The following TP63 variants were observed in gnomAD, a reference collection of about 807,000 sequenced individuals.
TP63 encodes tumor protein p63.
Under a neutral mutation model 82.8 loss-of-function variants are expected in TP63, and 17 were observed. The observed-to-expected ratio is 0.21, with a 90% CI of 0.14 to 0.31. The LOEUF is 0.31. Among genes scored for constraint, TP63 ranks in the 10% least tolerant of loss-of-function variants. The probability of loss-of-function intolerance (pLI) is 1.00; values close to 1 mark genes in which losing one functional copy is unlikely to be tolerated. For missense variants in TP63, 648 were observed against 895.3 expected (o/e 0.72, Z 3.52); for synonymous variants, 330 against 321.7 (o/e 1.03, Z -0.28).
At chr3:189,749,264 G>A (rs1457966761) in intron 3 of TP63, among the ~76,000 whole-genome samples, 1 of 152,090 alleles carries the variant, frequency 6.6e-6, no homozygotes, top group Non-Finnish European at 1.5e-5. Flanking sequence ...CTGTTGAATG[G>A]AAGAAAATAT....
intron 3 of TP63, among the ~76,000 whole-genome samples, chr3:189,804,945 T>C (rs1470080718): frequency 1.3e-5 from 2 of 152,240 alleles, no homozygotes; most frequent in African/African-American, 2.4e-5. Context: ...CTAAGAAATA[T>C]ACCTTTATGT....
rs185271781 is a variant in TP63, at chr3:189,839,897, G to A, written c.580-24335G>A. On this transcript the variant is annotated intron_variant, in intron 4 of 13. Transcript: ENST00000264731. ...CCCTGTACAGGGGAGGAGCAAGGGT[G>A]CTGCAGTGAGGGGATCTGGAGTTGA... Among the ~76,000 whole-genome samples, 558 of 152,300 alleles carry A rather than the reference G, an allele frequency of 3.7e-3. 10 individuals carry two copies. Among genetic ancestry groups the A allele is most frequent in the Admixed American group, 0.033 (502 of 15,298 alleles).
At chr3:189,763,476 G>A (rs967828788) in intron 3 of TP63, among the ~76,000 whole-genome samples, 4 of 152,152 alleles carry the variant, frequency 2.6e-5, no homozygotes, top group Non-Finnish European at 5.9e-5. Flanking sequence ...AGCAAATTCT[G>A]CCCCTAAGGA....
chr3:189,765,522 G>A (rs1232837576), intron 3 of TP63, among the ~76,000 whole-genome samples: 8 of 138,188 alleles, frequency 5.8e-5, no homozygotes, highest in African/African-American at 1.4e-4. Context: ...TGCAAGCTCC[G>A]CCTCCCGGGT....
rs1577278347 is a variant in TP63, at chr3:189,708,057, T to C, written c.63-29683T>C. On this transcript the variant is annotated intron_variant, in intron 1 of 13. Transcript: ENST00000264731. ...TTTTATTCTATTTCAGAGTCATCTA[T>C]GTTTTTTTCGTTCCTTCTTTATTTT... Among the ~76,000 whole-genome samples the C allele has an allele frequency of 4.6e-5, 7 of 152,362 alleles. 1 individual carries two copies. Among genetic ancestry groups the C allele is most frequent in the African/African-American group, 1.7e-4 (7 of 41,590 alleles).
At chr3:189,664,816 A>G (rs543675617) in intron 1 of TP63, among the ~76,000 whole-genome samples, 1 of 152,290 alleles carries the variant, frequency 6.6e-6, no homozygotes, top group South Asian at 2.1e-4. Context: ...AAGAGAATCC[A>G]TAGCCTTTTA....
chr3:189,727,870 A>C (rs2108778943), intron 1 of TP63, among the ~76,000 whole-genome samples: 1 of 152,342 alleles, frequency 6.6e-6, no homozygotes, highest in East Asian at 1.9e-4. Flanking sequence ...CTGTGTTTGC[A>C]TGCTATAATG....
chr3:189,629,566 C>T (rs887731193), upstream of TP63, among the ~76,000 whole-genome samples: 1 of 152,030 alleles, frequency 6.6e-6, no homozygotes, highest in Non-Finnish European at 1.5e-5. Flanking sequence ...AATATCAGAG[C>T]TAGAAGGAAC....
Position 189,848,239 on chromosome 3 carries a change from T to TCCTCTCTCTCTCTC in TP63, c.580-15993_580-15992insCCTCTCTCTCTCTC, listed in dbSNP as rs372147574. Among the ~76,000 whole-genome samples, 128 of 96,012 alleles carry TCCTCTCTCTCTCTC rather than the reference T, an allele frequency of 1.3e-3. 1 individual carries two copies. Among genetic ancestry groups the TCCTCTCTCTCTCTC allele is most frequent in the Non-Finnish European group, 2.0e-3 (99 of 49,702 alleles). The allele number at this position is 96,012 out of a possible 152,430, so 63.0% of individuals were successfully genotyped here. The stretch of plus-strand genomic sequence containing the variant: ...CTCTGCCTCCTCCTCCTCCTCCTCC[T>TCCTCTCTCTCTCTC]TCTCTCTCTCTCTCTCTCTCTCTCT... On this transcript the variant is annotated intron_variant, in intron 4 of 13. Coordinates refer to ENST00000264731, the MANE Select transcript of TP63 (RefSeq NM_003722.5).
intron 3 of TP63, among the ~76,000 whole-genome samples, chr3:189,806,571 T>G (rs1193229287): frequency 6.6e-6 from 1 of 152,218 alleles, no homozygotes; most frequent in African/African-American, 2.4e-5. Flanking sequence ...TTTTATTTTT[T>G]TGTCCCCTAG....
chr3:189,771,290 T>C (rs377569537), intron 3 of TP63, among the ~76,000 whole-genome samples: 2 of 138,904 alleles, frequency 1.4e-5, no homozygotes, highest in East Asian at 2.0e-4. Context: ...TATATAAATA[T>C]ATATTATATT....
chr3:189,697,128 A>G (rs573784910), intron 1 of TP63, among the ~76,000 whole-genome samples: 1 of 149,904 alleles, frequency 6.7e-6, no homozygotes, highest in Non-Finnish European at 1.5e-5. Flanking sequence ...TTTTTCCCAT[A>G]TTTTCTTCCA....
intron 10 of TP63, among the ~76,000 whole-genome samples, chr3:189,883,454 T>C (rs1352673003): frequency 6.6e-6 from 1 of 152,210 alleles, no homozygotes; most frequent in Non-Finnish European, 1.5e-5. Flanking sequence ...CAATTAAGAA[T>C]CCAACTCACC....
At chr3:189,853,610 A>G (rs1715922709) in intron 4 of TP63, among the ~76,000 whole-genome samples, 2 of 152,174 alleles carry the variant, frequency 1.3e-5, no homozygotes, top group African/African-American at 4.8e-5. Flanking sequence ...TATCCTCTTC[A>G]CACTCACTCC....
the TP63 span, among the ~76,000 whole-genome samples, chr3:189,607,193 C>T: frequency 3.9e-3 from 593 of 152,198 alleles, 3 homozygotes; most frequent in Middle Eastern, 6.8e-3. Context: ...ACTGAGAAGG[C>T]GTGAAGACTT....
intron 3 of TP63, among the ~76,000 whole-genome samples, chr3:189,792,806 G>GA: frequency 6.6e-6 from 1 of 152,006 alleles, no homozygotes; most frequent in African/African-American, 2.4e-5. Context: ...TTGAATGCAA[G>GA]AAAAAAAGTG....
At chr3:189,752,793 T>G (rs1721918798) in intron 3 of TP63, among the ~76,000 whole-genome samples, 1 of 152,158 alleles carries the variant, frequency 6.6e-6, no homozygotes, top group African/African-American at 2.4e-5. Flanking sequence ...TTCATTGCTA[T>G]AAGTTTTCTA....
chr3:189,744,111 A>G, intron 3 of TP63, among the ~76,000 whole-genome samples: 1 of 152,120 alleles, frequency 6.6e-6, no homozygotes, highest in Non-Finnish European at 1.5e-5. Context: ...TTGAAGCACC[A>G]TTGACATTCC....
intron 3 of TP63, among the ~76,000 whole-genome samples, chr3:189,792,139 AC>A (rs1285986378): frequency 6.6e-6 from 1 of 152,004 alleles, no homozygotes; most frequent in African/African-American, 2.4e-5. Flanking sequence ...TTTTCCCACA[AC>A]TTTTGAATTC....
Sources: allele counts gnomAD v4.1 joint callset (sites outside exome capture counted in the v4.1 genomes callset), GRCh38; gene constraint gnomAD v4.1.1; transcripts MANE v1.5; gene names NCBI Gene and HGNC (gene_info 2026-07-23, HGNC 2026-07-21).